Variants in COL4A2 observed in about 807,000 individuals in gnomAD.
COL4A2 encodes collagen alpha-2(IV) chain.
Under a neutral mutation model 200.2 loss-of-function variants are expected in COL4A2, and 99 were observed. The observed-to-expected ratio is 0.49, with a 90% CI of 0.42 to 0.58. The LOEUF (loss-of-function observed/expected upper bound fraction) is 0.58. Among genes scored for constraint, COL4A2 ranks in the 20% least tolerant of loss-of-function variants. The pLI is 0.00. For missense variants in COL4A2, 1,950 were observed against 2,314.1 expected, an observed-to-expected ratio of 0.84 and a Z score of 3.23; for synonymous variants, 897 against 900.6, an observed-to-expected ratio of 1.00 and a Z score of 0.07.
chr13:110,444,745 T>C (rs757920376), intron 16 of COL4A2, among the ~76,000 whole-genome samples: 4 of 152,380 alleles, frequency 2.6e-5, no homozygotes, highest in Middle Eastern at 3.4e-3. Context: ...TGCTAGATTT[T>C]TAGAGAGCTT....
intron 3 of COL4A2, chr13:110,340,880 C>G (rs2139371340): frequency 6.6e-6 from 1 of 152,402 alleles, no homozygotes; most frequent in Non-Finnish European, 1.5e-5. Flanking sequence ...TCAGAGGACT[C>G]TGTTCCTTTC....
At chr13:110,338,790 C>T (rs1876322928) in intron 3 of COL4A2, among the ~76,000 whole-genome samples, 1 of 152,254 alleles carries the variant, frequency 6.6e-6, no homozygotes, top group African/African-American at 2.4e-5. Flanking sequence ...CTCTTCGCCG[C>T]CCTCCCAGGT....
At chr13:110,337,913 C>T (rs61964323) in intron 3 of COL4A2, among the ~76,000 whole-genome samples, 5,333 of 152,294 alleles carry the variant, frequency 0.035, 120 homozygotes, top group Non-Finnish European at 0.051. Flanking sequence ...ACTAAATGAA[C>T]ATGCATTGAA....
chr13:110,378,235 G>C (rs1878324607), intron 4 of COL4A2, among the ~76,000 whole-genome samples: 1 of 152,150 alleles, frequency 6.6e-6, no homozygotes, highest in African/African-American at 2.4e-5. Flanking sequence ...GTCTTCACTG[G>C]CAACCTTAAG....
intron 12 of COL4A2, among the ~76,000 whole-genome samples, chr13:110,434,810 CATCTCAGGGACCAGGGG>C (rs906350040): frequency 4.6e-5 from 7 of 152,198 alleles, no homozygotes; most frequent in Non-Finnish European, 7.3e-5. Flanking sequence ...GACATGGAGC[CATCTCAGGGACCAGGGG>C]ATCTCAGGGA....
intron 3 of COL4A2, among the ~76,000 whole-genome samples, chr13:110,323,387 G>T (rs1056017590): frequency 2.6e-5 from 4 of 152,226 alleles, no homozygotes; most frequent in Non-Finnish European, 4.4e-5. Flanking sequence ...GTCAGGCATC[G>T]GGATGAGGGC....
chr13:110,318,632 TA>T (rs1672548663), intron 3 of COL4A2, among the ~76,000 whole-genome samples: 1 of 152,142 alleles, frequency 6.6e-6, no homozygotes, highest in African/African-American at 2.4e-5. Flanking sequence ...TTGGTGCGAG[TA>T]TTCAACTCTT....
intron 4 of COL4A2, among the ~76,000 whole-genome samples, chr13:110,358,587 G>A (rs1877383192): frequency 6.6e-6 from 1 of 152,206 alleles, no homozygotes; most frequent in Admixed American, 6.5e-5. Context: ...CAGCAACACA[G>A]CAGGTTTGTC....
At position 110,511,994 on chromosome 13, in the gene COL4A2, G is replaced by A; in HGVS notation, c.4942G>A (p.Glu1648Lys). 4 of 1,613,588 alleles carry A rather than the reference G, an allele frequency of 2.5e-6. No homozygotes were observed. Among genetic ancestry groups the A allele is most frequent in the Non-Finnish European group, 3.4e-6 (4 of 1,180,050 alleles). Reference protein sequence around the residue: ...QSLVSPGSCLEDFRATPFIEC... With the variant: ...QSLVSPGSCLKDFRATPFIEC... The stretch of plus-strand genomic sequence containing the variant: ...ACTGGTGTCACCGGGCAGCTGTCTA[G>A]AGGACTTCCGCGCCACACCATTCAT... The change falls in exon 48 of 48, where the codon GAG becomes AAG. Residue 1648 changes from glutamate (E) to lysine (K), a missense_variant. Physicochemically the swap from Glu to Lys is moderately conservative, Grantham distance 56. Coordinates refer to ENST00000360467, the MANE Select transcript of COL4A2 (RefSeq NM_001846.4).
intron 4 of COL4A2, among the ~76,000 whole-genome samples, chr13:110,369,775 C>G (rs1203272760): frequency 6.6e-6 from 1 of 152,156 alleles, no homozygotes; most frequent in Non-Finnish European, 1.5e-5. Context: ...CTCCAGCCAG[C>G]CTCACCCCAA....
chr13:110,485,054 G>T, intron 33 of COL4A2, 27 bp downstream of exon 33: 2 of 1,551,966 alleles, frequency 1.3e-6, no homozygotes, highest in Non-Finnish European at 1.8e-6. Context: ...GCAGCCAGGG[G>T]CCCCTAGTCC....
intron 32 of COL4A2, among the ~76,000 whole-genome samples, chr13:110,483,456 C>T (rs1433464674): frequency 6.6e-6 from 1 of 152,220 alleles, no homozygotes; most frequent in Non-Finnish European, 1.5e-5. Context: ...AATCTCATGG[C>T]AGCATCCTTT....
chr13:110,404,191 CAA>C (rs1879479045), intron 4 of COL4A2, among the ~76,000 whole-genome samples: 1 of 152,170 alleles, frequency 6.6e-6, no homozygotes, highest in Admixed American at 6.5e-5. Context: ...TAAAAGCTAG[CAA>C]ATAATATAAG....
chr13:110,433,014 T>C (rs1880738841), intron 11 of COL4A2, among the ~76,000 whole-genome samples: 1 of 152,244 alleles, frequency 6.6e-6, no homozygotes. Context: ...TTGATCAAAA[T>C]GCAACATAAT....
chr13:110,424,642 A>AAAAAC (rs952733326), intron 4 of COL4A2, 92 bp from the exon 5 acceptor site: 5 of 852,414 alleles, frequency 5.9e-6, no homozygotes, highest in Admixed American at 2.6e-5. Flanking sequence ...TTTAAAAACA[A>AAAAAC]AAAAAAAAAT....
At chr13:110,406,163 C>T (rs1879561442) in intron 4 of COL4A2, among the ~76,000 whole-genome samples, 1 of 152,162 alleles carries the variant, frequency 6.6e-6, no homozygotes, top group African/African-American at 2.4e-5. Context: ...ACCATAATTC[C>T]CAAATGTAAA....
intron 28 of COL4A2, among the ~76,000 whole-genome samples, chr13:110,472,148 C>T (rs1306920195): frequency 2.9e-5 from 2 of 68,096 alleles, no homozygotes; most frequent in Non-Finnish European, 7.8e-5. Context: ...TGGAATCTCA[C>T]TCTGTCGCCC....
intron 4 of COL4A2, among the ~76,000 whole-genome samples, chr13:110,375,015 G>A (rs1213106158): frequency 6.6e-6 from 1 of 151,968 alleles, no homozygotes; most frequent in African/African-American, 2.4e-5. Flanking sequence ...TCTTTACTGG[G>A]GCCCTTTTAC....
At chr13:110,389,882 T>A (rs1049579688) in intron 4 of COL4A2, among the ~76,000 whole-genome samples, 2 of 152,126 alleles carry the variant, frequency 1.3e-5, no homozygotes, top group African/African-American at 4.8e-5. Flanking sequence ...AAAAAAAGTT[T>A]AAAAATTTTT....
Sources: gnomAD v4.1 joint callset for allele counts (sites outside exome capture counted in the v4.1 genomes callset) on GRCh38, gnomAD v4.1.1 for gene constraint, MANE v1.5 for transcripts, NCBI Gene and HGNC (gene_info 2026-07-23, HGNC 2026-07-21) for gene names.